The following SSR1 variants were observed in gnomAD, a reference collection of about 807,000 sequenced individuals.
SSR1 encodes the protein signal sequence receptor subunit 1, also known as translocon-associated protein subunit alpha.
SSR1 carries 13 observed loss-of-function variants against 36.1 expected under a neutral mutation model. The ratio of observed to expected loss-of-function variants is 0.36; its 90% CI spans 0.23 to 0.57. SSR1 has a LOEUF of 0.57. Ranked by LOEUF, SSR1 falls within the 20% of genes least tolerant of loss-of-function variation. SSR1 has a pLI of 0.81. For synonymous variants in SSR1, 113 were observed against 118.9 expected, an observed-to-expected ratio of 0.95 and a Z score of 0.32; for missense variants, 291 against 338.5, an observed-to-expected ratio of 0.86 and a Z score of 1.10.
At chr6:7,303,973 A>C (rs1270130125) in intron 2 of SSR1, among the ~76,000 whole-genome samples, 1 of 152,200 alleles carries the variant, frequency 6.6e-6, no homozygotes, top group Non-Finnish European at 1.5e-5. Flanking sequence ...CAAAAAAAAG[A>C]AATAAAGACT....
At chr6:7,299,344 C>T (rs1348766414) in intron 4 of SSR1, among the ~76,000 whole-genome samples, 1 of 152,218 alleles carries the variant, frequency 6.6e-6, no homozygotes, top group Non-Finnish European at 1.5e-5. Context: ...AGTACAGCGG[C>T]AGCTGCAGAA....
intron 3 of SSR1, 38 bp from the exon 4 acceptor site, chr6:7,301,610 T>C (rs779915255): frequency 3.3e-5 from 51 of 1,567,774 alleles, no homozygotes; most frequent in Admixed American, 9.3e-5. Flanking sequence ...TTAGAACACA[T>C]GGAAAGAGCA....
intron 2 of SSR1, among the ~76,000 whole-genome samples, chr6:7,304,108 C>T (rs1757999561): frequency 6.6e-6 from 1 of 152,176 alleles, no homozygotes; most frequent in Admixed American, 6.5e-5. Context: ...CAGTAATGTG[C>T]CTACCAATTC....
At chr6:7,304,332 A>C (rs1311996287) in intron 2 of SSR1, among the ~76,000 whole-genome samples, 1 of 152,070 alleles carries the variant, frequency 6.6e-6, no homozygotes, top group Non-Finnish European at 1.5e-5. Flanking sequence ...ATTCAACTCA[A>C]CTCTGGGGCT....
intron 2 of SSR1, among the ~76,000 whole-genome samples, chr6:7,306,894 GC>G: frequency 6.8e-6 from 1 of 147,120 alleles, no homozygotes. Flanking sequence ...TCCAGCCTGG[GC>G]GACAGAGCGA....
At position 7,289,806 on chromosome 6, in the gene SSR1, A is replaced by C. The variant is rs1757642141; in HGVS notation, c.*58T>G. ...TGGCTTCTCTGCACTAATTCCCATC[A>C]GGCCGAAAAATATTAGGGCAGGTTA... On this transcript the variant is annotated 3_prime_UTR_variant, in exon 8 of 8. Coordinates refer to ENST00000244763, the MANE Select transcript of SSR1 (RefSeq NM_003144.5). The C allele has an allele frequency of 5.3e-6, 8 of 1,497,928 alleles. No individual in the cohort carries two copies. Among genetic ancestry groups the C allele is most frequent in the Non-Finnish European group, 7.2e-6 (8 of 1,111,780 alleles). 92.8% of individuals were successfully genotyped at this position (1,497,928 alleles called of 1,614,324 possible).
chr6:7,305,708 T>C (rs1758038871), intron 2 of SSR1, among the ~76,000 whole-genome samples: 1 of 152,140 alleles, frequency 6.6e-6, no homozygotes, highest in South Asian at 2.1e-4. Flanking sequence ...AAGAAGAAAA[T>C]GCAGAACGAT....
Position 7,298,672 on chromosome 6 carries a change from T to C in SSR1, c.620+75A>G, listed in dbSNP as rs1355966236. 5.4e-6 allele frequency: 6 copies of C among 1,113,028 alleles called. No homozygotes were observed. The African/African-American group carries it at 7.7e-5, about 14-fold the overall frequency. The allele number at this position is 1,113,028 out of a possible 1,614,324, so 68.9% of individuals were successfully genotyped here. ...ATTCCATCGTCAACATCTAAAACAATGCTGAAACAGAGCAAGCTTTCCAGT... is the reference window on the plus strand; with the variant it reads ...ATTCCATCGTCAACATCTAAAACAACGCTGAAACAGAGCAAGCTTTCCAGT... On this transcript the variant is annotated intron_variant, in intron 5 of 7. Transcript: ENST00000244763.
At chr6:7,298,600 G>T (rs761658044) in intron 5 of SSR1, 147 bp downstream of exon 5, 1 of 595,262 alleles carries the variant, frequency 1.7e-6, no homozygotes, top group Non-Finnish European at 3.0e-6. Flanking sequence ...AGAATCATCT[G>T]AAGTATGAAT....
rs1377844843 is a variant in SSR1, at chr6:7,287,798, T to TG, written c.*2065dup. 2.0e-5 allele frequency: 3 copies of TG among 152,664 alleles called. No homozygotes were observed. Among genetic ancestry groups the TG allele is most frequent in the African/African-American group, 7.2e-5 (3 of 41,462 alleles). The allele number at this position is 152,664 out of a possible 1,614,324, so 9.5% of individuals were successfully genotyped here. On this transcript the variant is annotated 3_prime_UTR_variant, in exon 8 of 8. Transcript: ENST00000244763. Reference sequence around the variant, plus strand: ...AAATAGGCTACTTATTAAGTGTGCTTGAACAAACCATGTGTGGAATTGAAT... The same window carrying TG: ...AAATAGGCTACTTATTAAGTGTGCTTGGAACAAACCATGTGTGGAATTGAAT...
At chr6:7,294,521 C>CTA (rs1293286505) in intron 7 of SSR1, among the ~76,000 whole-genome samples, 1 of 151,418 alleles carries the variant, frequency 6.6e-6, no homozygotes, top group African/African-American at 2.4e-5. Flanking sequence ...AACCCTGTCT[C>CTA]TACTAAAAAT....
At chr6:7,311,326 A>G (rs1012747663) in intron 1 of SSR1, among the ~76,000 whole-genome samples, 3 of 152,240 alleles carry the variant, frequency 2.0e-5, no homozygotes, top group African/African-American at 7.2e-5. Flanking sequence ...GTGTCTTCCA[A>G]CATCTCTCAG....
intron 1 of SSR1, among the ~76,000 whole-genome samples, chr6:7,312,286 G>C (rs1389553382): frequency 2.6e-5 from 4 of 152,144 alleles, no homozygotes; most frequent in Non-Finnish European, 5.9e-5. Context: ...AAAAACACTC[G>C]AAGTAGGCCA....
rs765866525 is a variant in SSR1 at position 7,310,044 on chromosome 6, C to A, written c.80-15G>T. On this transcript the variant is annotated splice_polypyrimidine_tract_variant and intron_variant, in intron 1 of 7. Transcript: ENST00000244763. ...TGCTAACAAGCCTAATGATAAAATA[C>A]AGAAAAAGCAGTTACCCTTTACTCT... is the stretch of plus-strand genomic sequence containing the variant. The A allele has an allele frequency of 1.9e-6, 3 of 1,593,844 alleles. No individual in the cohort carries two copies. Among genetic ancestry groups the A allele is most frequent in the African/African-American group, 1.3e-5 (1 of 74,230 alleles).
At chr6:7,305,752 AAAT>A (rs1758039625) in intron 2 of SSR1, among the ~76,000 whole-genome samples, 1 of 73,750 alleles carries the variant, frequency 1.4e-5, no homozygotes, top group Non-Finnish European at 3.4e-5. Context: ...AGAAAATACA[AAAT>A]CTGATAGAGT....
In SSR1 at chr6:7,281,262, TCG is replaced by T; in HGVS notation, c.*8600_*8601del. On this transcript the variant is annotated 3_prime_UTR_variant, in exon 8 of 8. Transcript: ENST00000244763. ...AACAACAACCAAGAAAGCAAAGTGC[TCG>T]TTTCCATCTTGGCTTTACCACACTT... 1 of 152,320 alleles carries T rather than the reference TCG, an allele frequency of 6.6e-6. No homozygotes were observed. 9.4% of individuals were successfully genotyped at this position (152,320 alleles called of 1,614,324 possible). A position where few individuals can be genotyped will look rare whatever the true frequency, so the allele number is the denominator to read the frequency against.
rs564413905 is a variant in SSR1, at chr6:7,306,519, T to A, written c.193-2882A>T. On this transcript the variant is annotated intron_variant, in intron 2 of 7. Transcript: ENST00000244763. The stretch of plus-strand genomic sequence containing the variant: ...TAATAAAAATTAAAACAAAAACCTC[T>A]CTCATTTCTATGGGGAGGACAAAAA... Among the ~76,000 whole-genome samples the A allele has an allele frequency of 3.9e-5, 6 of 152,194 alleles. No individual in the cohort carries two copies. In the East Asian group the frequency reaches 1.2e-3, roughly 29 times the overall value.
chr6:7,291,422 G>A (rs1757677966), intron 7 of SSR1, among the ~76,000 whole-genome samples: 1 of 151,934 alleles, frequency 6.6e-6, no homozygotes, highest in Non-Finnish European at 1.5e-5. Context: ...AAAGTTAAGG[G>A]CTAAAATATT....
At chr6:7,306,786 G>T (rs534235830) in intron 2 of SSR1, among the ~76,000 whole-genome samples, 4 of 151,830 alleles carry the variant, frequency 2.6e-5, no homozygotes, top group East Asian at 4.0e-4. Context: ...TGTGGTGGCG[G>T]GCGCCTATAA....
Sources: gnomAD v4.1 joint callset for allele counts (sites outside exome capture counted in the v4.1 genomes callset) on GRCh38, gnomAD v4.1.1 for gene constraint, MANE v1.5 for transcripts, NCBI Gene and HGNC (gene_info 2026-07-23, HGNC 2026-07-21) for gene names.